Variants in PTPRT observed in about 807,000 individuals in gnomAD.
PTPRT encodes the protein protein tyrosine phosphatase receptor type T.
In PTPRT, 56 loss-of-function variants were observed where a neutral mutation model predicts 176.8. That is an observed-to-expected ratio of 0.32 (90% CI 0.26 to 0.40). The LOEUF (loss-of-function observed/expected upper bound fraction) is 0.40, where lower values mean the gene tolerates loss of function less well. Among genes scored for constraint, PTPRT ranks in the 10% least tolerant of loss-of-function variants. The pLI is 1.00. For synonymous variants in PTPRT, 783 were observed against 739.0 expected, an observed-to-expected ratio of 1.06 and a Z score of -0.96; for missense variants, 1,540 against 1,908.2, an observed-to-expected ratio of 0.81 and a Z score of 3.60.
intron 16 of PTPRT, among the ~76,000 whole-genome samples, chr20:42,179,189 C>T (rs1990416371): frequency 6.6e-6 from 1 of 152,176 alleles, no homozygotes. Flanking sequence ...TAAATATACA[C>T]ATATGAGAGT....
intron 1 of PTPRT, among the ~76,000 whole-genome samples, chr20:43,056,134 A>G (rs1987224518): frequency 6.6e-6 from 1 of 152,200 alleles, no homozygotes; most frequent in East Asian, 1.9e-4. Context: ...GGTCCCATTC[A>G]TTATACTACC....
intron 1 of PTPRT, among the ~76,000 whole-genome samples, chr20:43,184,286 G>A (rs1205348053): frequency 1.3e-5 from 2 of 152,170 alleles, no homozygotes; most frequent in Admixed American, 6.5e-5. Flanking sequence ...TCAATTTCCA[G>A]GTGACTTACC....
intron 12 of PTPRT, among the ~76,000 whole-genome samples, chr20:42,309,873 T>C (rs1044345528): frequency 6.6e-6 from 1 of 152,142 alleles, no homozygotes; most frequent in Middle Eastern, 3.2e-3. Flanking sequence ...GTGGGAGGCA[T>C]GCAGTACCCA....
chr20:42,945,968 C>T (rs900132029), intron 1 of PTPRT, among the ~76,000 whole-genome samples: 1 of 152,168 alleles, frequency 6.6e-6, no homozygotes, highest in African/African-American at 2.4e-5. Flanking sequence ...ATATCATATA[C>T]ATGGAATCAT....
intron 6 of PTPRT, among the ~76,000 whole-genome samples, chr20:42,754,969 T>C (rs2076810045): frequency 6.6e-6 from 1 of 152,056 alleles, no homozygotes; most frequent in African/African-American, 2.4e-5. Flanking sequence ...AGCCCTCCTC[T>C]CACAGAGCTT....
At chr20:42,717,073 T>C (rs1186887569) in intron 6 of PTPRT, among the ~76,000 whole-genome samples, 1 of 151,834 alleles carries the variant, frequency 6.6e-6, no homozygotes, top group Non-Finnish European at 1.5e-5. Flanking sequence ...CATTAGGAGA[T>C]ATACCTAATG....
At chr20:42,102,695 G>A (rs918467992) in intron 25 of PTPRT, among the ~76,000 whole-genome samples, 8 of 152,180 alleles carry the variant, frequency 5.3e-5, no homozygotes, top group South Asian at 2.1e-4. Context: ...CATCACTTGC[G>A]TTGTCATGGA....
intron 1 of PTPRT, among the ~76,000 whole-genome samples, chr20:43,049,690 T>A (rs905505840): frequency 3.3e-5 from 5 of 152,182 alleles, no homozygotes; most frequent in African/African-American, 9.6e-5. Flanking sequence ...CCTGCCCAAG[T>A]ATTTCCCGGG....
chr20:42,567,450 A>G (rs927843555), intron 7 of PTPRT, among the ~76,000 whole-genome samples: 3 of 152,194 alleles, frequency 2.0e-5, no homozygotes, highest in African/African-American at 7.2e-5. Flanking sequence ...TGGCTTTGAC[A>G]TTATCTCCAT....
At chr20:42,677,797 A>C in intron 7 of PTPRT, 69 bp downstream of exon 7, 1 of 1,520,922 alleles carries the variant, frequency 6.6e-7, no homozygotes, top group South Asian at 1.3e-5. Flanking sequence ...ACAGGAAGGC[A>C]AGAGGAAAGC....
the PTPRT span, among the ~76,000 whole-genome samples, chr20:42,067,350 A>G: frequency 6.6e-6 from 1 of 152,062 alleles, no homozygotes; most frequent in Admixed American, 6.5e-5. Flanking sequence ...TTCCTGTCAC[A>G]ATTTTCTCCA....
chr20:42,526,247 T>G (rs1266971826), intron 7 of PTPRT, among the ~76,000 whole-genome samples: 1 of 152,196 alleles, frequency 6.6e-6, no homozygotes, highest in African/African-American at 2.4e-5. Context: ...TTCTTCAGTG[T>G]TTTCTTTGGG....
intron 12 of PTPRT, among the ~76,000 whole-genome samples, chr20:42,285,510 G>A (rs561112651): frequency 6.6e-6 from 1 of 152,032 alleles, no homozygotes; most frequent in Non-Finnish European, 1.5e-5. Context: ...AGACATCTAA[G>A]AATCTTTTCT....
chr20:42,434,865 T>C (rs1044037713), intron 9 of PTPRT, among the ~76,000 whole-genome samples: 1 of 151,904 alleles, frequency 6.6e-6, no homozygotes, highest in South Asian at 2.1e-4. Context: ...CTCAGGAGGC[T>C]GAGGCATAAG....
chr20:42,584,856 T>C (rs977955132), intron 7 of PTPRT, among the ~76,000 whole-genome samples: 1 of 152,190 alleles, frequency 6.6e-6, no homozygotes, highest in African/African-American at 2.4e-5. Context: ...AATCTCTCTA[T>C]TCATTTCTAA....
intron 9 of PTPRT, among the ~76,000 whole-genome samples, chr20:42,381,306 G>T (rs966840023): frequency 6.6e-6 from 1 of 152,136 alleles, no homozygotes; most frequent in Non-Finnish European, 1.5e-5. Flanking sequence ...ACAACAAAAC[G>T]TGAGCAGAAG....
At chr20:42,767,447 C>G (rs1026778767) in intron 5 of PTPRT, among the ~76,000 whole-genome samples, 1 of 152,012 alleles carries the variant, frequency 6.6e-6, no homozygotes, top group Non-Finnish European at 1.5e-5. Context: ...TACACCACTG[C>G]CATTCCTGGA....
intron 16 of PTPRT, 38 bp downstream of exon 16, chr20:42,199,202 C>G: frequency 6.2e-7 from 1 of 1,607,452 alleles, no homozygotes; most frequent in Non-Finnish European, 8.5e-7. Flanking sequence ...CTGAGCTGGA[C>G]CACGGATGTC....
At chr20:42,503,078 T>C (rs147214632) in intron 7 of PTPRT, among the ~76,000 whole-genome samples, 58 of 152,160 alleles carry the variant, frequency 3.8e-4, no homozygotes, top group Middle Eastern at 3.4e-3. Flanking sequence ...TTGTGCCAAC[T>C]TTTTTTCTGG....
Sources: allele counts gnomAD v4.1 joint callset (sites outside exome capture counted in the v4.1 genomes callset), GRCh38; gene constraint gnomAD v4.1.1; transcripts MANE v1.5; gene names NCBI Gene and HGNC (gene_info 2026-07-23, HGNC 2026-07-21).